COL4A5: variants seen among roughly 807,000 people sequenced by gnomAD.
COL4A5 encodes collagen type IV alpha 5 chain.
A neutral mutation model predicts 130.2 loss-of-function variants in COL4A5; 26 were observed. The ratio of observed to expected loss-of-function variants is 0.20; its 90% CI spans 0.15 to 0.28. COL4A5 has a LOEUF of 0.28. Ranked by LOEUF, COL4A5 falls within the 10% of genes least tolerant of loss-of-function variation. The pLI is 1.00. For missense variants in COL4A5, 1,131 were observed against 1,344.3 expected, an observed-to-expected ratio of 0.84 and a Z score of 2.48; for synonymous variants, 496 against 439.6, an observed-to-expected ratio of 1.13 and a Z score of -1.60.
At chrX:108,526,701 CTTTCTT>C (rs2065328610) in intron 1 of COL4A5, among the ~76,000 whole-genome samples, 1 of 87,416 alleles carries the variant, frequency 1.1e-5, no homozygotes, top group Non-Finnish European at 2.2e-5. Flanking sequence ...TTCTTTCTTT[CTTTCTT>C]TCTTTCTTTC....
In COL4A5 at chrX:108,485,389, C is replaced by A. The variant is rs141322976; in HGVS notation, c.81+45183C>A. Reference sequence around the variant, plus strand: ...CAGAAGGAGACTTTCCCAATAGCCACCACAGCTGGGAATATATTGAGTCTT... The same window carrying A: ...CAGAAGGAGACTTTCCCAATAGCCAACACAGCTGGGAATATATTGAGTCTT... On this transcript the variant is annotated intron_variant, in intron 1 of 52. Transcript: ENST00000328300. Among the ~76,000 whole-genome samples, 45 of 111,816 alleles carry A rather than the reference C, an allele frequency of 4.0e-4. No individual in the cohort carries two copies. In the East Asian group the frequency reaches 0.012, roughly 30 times the overall value.
At chrX:108,519,172 C>A (rs1274797705) in intron 1 of COL4A5, among the ~76,000 whole-genome samples, 3 of 110,764 alleles carry the variant, frequency 2.7e-5, no homozygotes, top group African/African-American at 9.8e-5. Context: ...AACAAAGATA[C>A]CTAAAATTTT....
At chrX:108,594,348 C>T (rs907573565) in intron 21 of COL4A5, among the ~76,000 whole-genome samples, 1 of 111,724 alleles carries the variant, frequency 9.0e-6, no homozygotes, top group African/African-American at 3.3e-5. Flanking sequence ...CACCATCTCT[C>T]TCCTAGATCA....
intron 36 of COL4A5, among the ~76,000 whole-genome samples, chrX:108,628,746 A>T (rs993415290): frequency 9.0e-6 from 1 of 111,574 alleles, no homozygotes; most frequent in Non-Finnish European, 1.9e-5. Context: ...AGATGTTTGA[A>T]ATTTTTACAT....
intron 1 of COL4A5, among the ~76,000 whole-genome samples, chrX:108,533,806 A>T (rs1339586819): frequency 1.8e-5 from 2 of 111,317 alleles, no homozygotes; most frequent in Non-Finnish European, 3.8e-5. Flanking sequence ...TAATATTGAG[A>T]ATACAAAAGG....
chrX:108,566,630 G>GCTC (rs957232846), intron 4 of COL4A5, among the ~76,000 whole-genome samples: 22 of 109,730 alleles, frequency 2.0e-4, no homozygotes, highest in African/African-American at 7.0e-4. Context: ...CTCACTGCAA[G>GCTC]CTCCGCCTCC....
chrX:108,620,915 G>A (rs1488695888), intron 31 of COL4A5, among the ~76,000 whole-genome samples: 2 of 110,915 alleles, frequency 1.8e-5, no homozygotes, highest in South Asian at 3.9e-4. Flanking sequence ...TTCCATGGCA[G>A]CTGGCTTCCA....
chrX:108,461,146 A>T (rs1335613189), intron 1 of COL4A5, among the ~76,000 whole-genome samples: 1 of 111,208 alleles, frequency 9.0e-6, no homozygotes, highest in African/African-American at 3.3e-5. Context: ...AAAGAGATTC[A>T]TTTTCTGGGG....
In COL4A5 at chrX:108,695,293, A is replaced by G. The variant is rs1364540712; in HGVS notation, c.4848A>G (p.Ser1616=). 5.0e-6 allele frequency: 6 copies of G among 1,209,498 alleles called. No homozygotes were observed. Among genetic ancestry groups the G allele is most frequent in the Non-Finnish European group, 6.7e-6 (6 of 895,129 alleles). The change falls in exon 52 of 53, where the codon TCA becomes TCG. Residue 1616 remains serine, a synonymous_variant. Coordinates refer to ENST00000328300, the MANE Select transcript of COL4A5 (RefSeq NM_033380.3). ...MMHTSAGAEG[S]GQALASPGSC... ...ATACAAGTGCAGGGGCAGAAGGCTCAGGTCAAGCCCTAGCCTCCCCTGGTT... is the reference window on the plus strand; with the variant it reads ...ATACAAGTGCAGGGGCAGAAGGCTCGGGTCAAGCCCTAGCCTCCCCTGGTT...
chrX:108,576,115 CAATG>C, intron 10 of COL4A5, 143 bp downstream of exon 10: 1 of 459,039 alleles, frequency 2.2e-6, no homozygotes, highest in Non-Finnish European at 3.8e-6. Context: ...GGTGACTTTA[CAATG>C]ATATGGTGAA....
chrX:108,556,567 A>G (rs1213269489), intron 2 of COL4A5, among the ~76,000 whole-genome samples: 1 of 111,756 alleles, frequency 8.9e-6, no homozygotes, highest in East Asian at 2.8e-4. Context: ...GGCAGGCAGC[A>G]TAAACCGGTT....
chrX:108,575,785 T>C (rs2066135758), intron 9 of COL4A5, 125 bp from the exon 10 acceptor site: 1 of 501,292 alleles, frequency 2.0e-6, no homozygotes, highest in African/African-American at 2.4e-5. Context: ...CGCAGTGAGT[T>C]GAGATCATGC....
intron 1 of COL4A5, among the ~76,000 whole-genome samples, chrX:108,472,799 G>A (rs923071797): frequency 2.7e-5 from 3 of 111,967 alleles, no homozygotes; most frequent in Non-Finnish European, 5.6e-5. Flanking sequence ...TAGTGGGATT[G>A]CCAGATCTTA....
intron 36 of COL4A5, among the ~76,000 whole-genome samples, chrX:108,628,586 A>C (rs1360920157): frequency 9.0e-6 from 1 of 111,716 alleles, no homozygotes; most frequent in Non-Finnish European, 1.9e-5. Flanking sequence ...TCACTGTTTT[A>C]CGAGAGGACT....
chrX:108,621,323 A>AT (rs374310971), intron 31 of COL4A5, among the ~76,000 whole-genome samples: 26 of 102,980 alleles, frequency 2.5e-4, no homozygotes, highest in African/African-American at 4.2e-4. Context: ...ACACACAGCT[A>AT]TTTTTTTTTT....
In COL4A5 at chrX:108,668,342, C is replaced by G. The variant is rs1213121337; in HGVS notation, c.3628C>G (p.Pro1210Ala). 1 of 1,209,193 alleles carries G rather than the reference C, an allele frequency of 8.3e-7. No homozygotes were observed. The highest frequency in any genetic ancestry group is 1.7e-5 in the African/African-American group (1 of 57,149). Residue 1210 changes from proline to alanine, a missense_variant, in exon 41 of 53, where the codon CCT becomes GCT. Pro to Ala is a conservative substitution (Grantham distance 27). Transcript: ENST00000328300. ...AGGCCAAAAGGGTGATGGAGGATTA[C>G]CTGGGATTCCAGGAAATCCTGGCCT... ...LSGQKGDGGLPGIPGNPGLPG... is the reference protein window; with the variant it reads ...LSGQKGDGGLAGIPGNPGLPG...
chrX:108,448,303 C>A (rs1158456098), intron 1 of COL4A5, among the ~76,000 whole-genome samples: 1 of 112,330 alleles, frequency 8.9e-6, no homozygotes, highest in Non-Finnish European at 1.9e-5. Context: ...CAAGCAAGTT[C>A]TATTCTGGTT....
intron 1 of COL4A5, among the ~76,000 whole-genome samples, chrX:108,461,063 GA>G (rs1427412780): frequency 1.7e-4 from 19 of 109,775 alleles, no homozygotes; most frequent in African/African-American, 4.3e-4. Context: ...TATATAATGG[GA>G]AAAAAAAGAC....
intron 23 of COL4A5, 40 bp downstream of exon 23, chrX:108,597,108 G>A: frequency 1.9e-6 from 2 of 1,077,671 alleles, no homozygotes; most frequent in Non-Finnish European, 2.6e-6. Flanking sequence ...AGAAGTAGAA[G>A]GAAGGCATTT....
Sources: allele counts gnomAD v4.1 joint callset (sites outside exome capture counted in the v4.1 genomes callset), GRCh38; gene constraint gnomAD v4.1.1; transcripts MANE v1.5; gene names NCBI Gene and HGNC (gene_info 2026-07-23, HGNC 2026-07-21).